The following EVL variants were observed in gnomAD, a reference collection of about 807,000 sequenced individuals.
The protein encoded by EVL is ena/VASP-like protein.
A neutral mutation model predicts 59.6 loss-of-function variants in EVL; 21 were observed. The ratio of observed to expected loss-of-function variants is 0.35; its 90% CI spans 0.25 to 0.51. The LOEUF (loss-of-function observed/expected upper bound fraction) is 0.51, where lower values mean the gene tolerates loss of function less well. EVL is among the 20% of genes least tolerant of loss of function. The pLI is 0.97. For missense variants in EVL, 462 were observed against 546.6 expected, an observed-to-expected ratio of 0.85 and a Z score of 1.54; for synonymous variants, 198 against 203.5, an observed-to-expected ratio of 0.97 and a Z score of 0.23.
chr14:100,136,782 T>C (rs1478590891), intron 9 of EVL, among the ~76,000 whole-genome samples: 2 of 152,182 alleles, frequency 1.3e-5, no homozygotes, highest in Non-Finnish European at 2.9e-5. Context: ...ATGAACGTGA[T>C]CAATACCCCT....
intron 8 of EVL, chr14:100,134,867 G>C (rs893571345): frequency 1.3e-5 from 2 of 152,220 alleles, no homozygotes; most frequent in African/African-American, 4.8e-5. Context: ...GACTGCCAGA[G>C]GTGGGGTGCA....
At chr14:100,078,263 C>G (rs2062209765) in intron 1 of EVL, among the ~76,000 whole-genome samples, 1 of 152,174 alleles carries the variant, frequency 6.6e-6, no homozygotes, top group African/African-American at 2.4e-5. Flanking sequence ...TCAAGCCTTT[C>G]CCTGGACCCG....
intron 5 of EVL, 89 bp downstream of exon 5, chr14:100,126,860 C>T (rs764652252): frequency 2.8e-5 from 37 of 1,316,730 alleles, no homozygotes; most frequent in Middle Eastern, 2.6e-4. Context: ...ACACACGGGG[C>T]GCTCTGTGAG....
At chr14:100,093,914 A>G (rs757427718) in intron 2 of EVL, among the ~76,000 whole-genome samples, 2 of 152,262 alleles carry the variant, frequency 1.3e-5, no homozygotes, top group Non-Finnish European at 2.9e-5. Context: ...ATTATGTGCC[A>G]TTCCAAATAT....
At chr14:100,099,865 G>T (rs1400311141) in intron 3 of EVL, among the ~76,000 whole-genome samples, 3 of 151,470 alleles carry the variant, frequency 2.0e-5, no homozygotes, top group South Asian at 2.1e-4. Context: ...GAGCCACTGC[G>T]CCCGGCCCAG....
At chr14:100,000,238 A>G (rs1467847212) in intron 1 of EVL, among the ~76,000 whole-genome samples, 2 of 152,234 alleles carry the variant, frequency 1.3e-5, no homozygotes, top group Non-Finnish European at 2.9e-5. Context: ...ACATCAGTCA[A>G]TAAATGTAAG....
chr14:100,042,324 AAGAC>A (rs2061479709), intron 1 of EVL, among the ~76,000 whole-genome samples: 1 of 152,220 alleles, frequency 6.6e-6, no homozygotes, highest in Non-Finnish European at 1.5e-5. Flanking sequence ...GAAAGTAACT[AAGAC>A]AGAGAATCTC....
In EVL at chr14:99,981,982, G is replaced by A. The variant is rs61692045; in HGVS notation, c.5+9925G>A. Among the ~76,000 whole-genome samples the A allele has an allele frequency of 0.011, 1,749 of 152,296 alleles. 81 individuals carry two copies. The East Asian group carries it at 0.16, about 14-fold the overall frequency. On this transcript the variant is annotated intron_variant, in intron 1 of 13. Coordinates refer to the EVL transcript ENST00000402714. ...CGCAAGTGCTGCAGTAAGAGTGGTG[G>A]TAACTCAGGGGAAAGCACTTCCAGC...
Position 100,135,925 on chromosome 14 carries a change from C to G in EVL, c.921C>G (p.Pro307=), listed in dbSNP as rs751929083. 4.3e-6 allele frequency: 7 copies of G among 1,613,976 alleles called. No homozygotes were observed. The highest frequency in any genetic ancestry group is 2.2e-5 in the South Asian group (2 of 91,084). ...ESQMEDPSTS[P]SPGTRAASQP... Reference sequence around the variant, plus strand: ...TTTAGGAAGATCCTAGTACCTCCCCCTCTCCGGGGACCCGAGCAGCCAGCC... The same window carrying G: ...TTTAGGAAGATCCTAGTACCTCCCCGTCTCCGGGGACCCGAGCAGCCAGCC... The change falls in exon 9 of 14, where the codon CCC becomes CCG. Residue 307 remains proline, a synonymous_variant. Coordinates refer to ENST00000392920, the MANE Select transcript of EVL (RefSeq NM_016337.3).
chr14:100,073,957 G>A (rs1566999009), intron 1 of EVL, among the ~76,000 whole-genome samples: 1 of 149,268 alleles, frequency 6.7e-6, no homozygotes, highest in Non-Finnish European at 1.5e-5. Flanking sequence ...AGGGGCCCGA[G>A]GGTGTGCATT....
At position 100,128,747 on chromosome 14, in the gene EVL, G is replaced by A. The variant is rs1888246861; in HGVS notation, c.716G>A (p.Arg239Gln). 2 of 1,603,610 alleles carry A rather than the reference G, an allele frequency of 1.2e-6. No homozygotes were observed. Among genetic ancestry groups the A allele is most frequent in the African/African-American group, 1.3e-5 (1 of 74,876 alleles). The change falls in exon 6 of 14, where the codon CGG becomes CAG. Residue 239 changes from arginine (R) to glutamine (Q), a missense_variant and splice_region_variant. Transcript: ENST00000392920. The stretch of plus-strand genomic sequence containing the variant: ...GGGGCCAAGCTGAGAAGAGTCCAAC[G>A]GGTAAGAGCTCCTGTGTGCGGGGTG... Reference protein sequence around the residue: ...IAGAKLRRVQRPEDASGGSSP... With the variant: ...IAGAKLRRVQQPEDASGGSSP...
intron 1 of EVL, among the ~76,000 whole-genome samples, chr14:100,016,979 A>G (rs965289940): frequency 1.3e-5 from 2 of 152,190 alleles, no homozygotes; most frequent in African/African-American, 4.8e-5. Context: ...CAGTCTATCA[A>G]ATAAGTCCTC....
rs1253899743 is a variant in EVL at position 99,972,035 on chromosome 14, C to T, written c.-18C>T. The T allele has an allele frequency of 2.9e-5, 7 of 240,584 alleles. No homozygotes were observed. The highest frequency in any genetic ancestry group is 2.3e-4 in the Admixed American group (4 of 17,384). 14.9% of individuals were successfully genotyped at this position (240,584 alleles called of 1,614,324 possible). A position where few individuals can be genotyped will look rare whatever the true frequency, so the allele number is the denominator to read the frequency against. On this transcript the variant is annotated 5_prime_UTR_variant, in exon 1 of 14. Transcript: ENST00000402714. The surrounding 1 kb of genome is among the most constrained non-coding windows in gnomAD (Gnocchi z 4.4). The stretch of plus-strand genomic sequence containing the variant: ...CCGGGTCGCCCCTGGCCCGGCGCGC[C>T]CGTCCCCGGCAGCGACAATGAGGTG...
chr14:100,046,773 GGA>G (rs2061553978), intron 1 of EVL, among the ~76,000 whole-genome samples: 1 of 127,950 alleles, frequency 7.8e-6, no homozygotes, highest in Admixed American at 8.1e-5. Context: ...TTTTTTTTGA[GGA>G]AGAGTCTTGC....
At position 100,130,815 on chromosome 14, in the gene EVL, G is replaced by A. The variant is rs918314176; in HGVS notation, c.839+1131G>A. Among the ~76,000 whole-genome samples the A allele has an allele frequency of 2.0e-5, 3 of 152,236 alleles. No individual in the cohort carries two copies. Among genetic ancestry groups the A allele is most frequent in the Admixed American group, 6.5e-5 (1 of 15,290 alleles). ...TGTCAGGGAGCAGCAAGGTGGATCCGCAGCACGGGCGTCTCCGGAGCCTCT... is the reference window on the plus strand; with the variant it reads ...TGTCAGGGAGCAGCAAGGTGGATCCACAGCACGGGCGTCTCCGGAGCCTCT... On this transcript the variant is annotated intron_variant, in intron 7 of 13. Transcript: ENST00000392920. This position sits in a 1 kb window ranked among gnomAD's most constrained non-coding sequence, Gnocchi z 4.8.
rs373913969 is a variant in EVL at position 100,084,053 on chromosome 14, T to TC, written c.12-634_12-633insC. Among the ~76,000 whole-genome samples, 763 of 76,796 alleles carry TC rather than the reference T, an allele frequency of 9.9e-3. 5 individuals are homozygous for TC. The highest frequency in any genetic ancestry group is 0.071 in the African/African-American group (697 of 9,754). The allele number at this position is 76,796 out of a possible 152,430, so 50.4% of individuals were successfully genotyped here. On this transcript the variant is annotated intron_variant, in intron 1 of 13. Coordinates refer to ENST00000392920, the MANE Select transcript of EVL (RefSeq NM_016337.3). ...TAATAATGCATTCTCTCTCTCTCTC[T>TC]TTTTTTTTTTTTTTTTCCGAGACAG...
At chr14:100,098,422 G>A (rs866047727) in intron 3 of EVL, among the ~76,000 whole-genome samples, 2 of 152,200 alleles carry the variant, frequency 1.3e-5, no homozygotes, top group African/African-American at 2.4e-5. Flanking sequence ...GGCCTGGAGT[G>A]CAGATAGGAA....
upstream of EVL, among the ~76,000 whole-genome samples, chr14:100,062,780 C>T (rs1381123605): frequency 6.6e-6 from 1 of 152,164 alleles, no homozygotes; most frequent in African/African-American, 2.4e-5. Context: ...CCGCCGTAAT[C>T]CCTAGAACCT....
intron 3 of EVL, among the ~76,000 whole-genome samples, chr14:100,115,706 T>A (rs1186148942): frequency 6.6e-6 from 1 of 152,180 alleles, no homozygotes; most frequent in East Asian, 1.9e-4. Context: ...TCTGGTAATC[T>A]GAGTAAGACA....
Sources: allele counts gnomAD v4.1 joint callset (sites outside exome capture counted in the v4.1 genomes callset), GRCh38; gene constraint gnomAD v4.1.1; non-coding constraint Gnocchi (gnomAD v3.1); transcripts MANE v1.5; gene names NCBI Gene and HGNC (gene_info 2026-07-23, HGNC 2026-07-21).